SPATA9: variants seen among roughly 807,000 people sequenced by gnomAD.
SPATA9 encodes the protein spermatogenesis associated 9.
A neutral mutation model predicts 25.5 loss-of-function variants in SPATA9; 27 were observed. That is an observed-to-expected ratio of 1.06 (90% confidence interval 0.78 to 1.46). SPATA9 has a LOEUF of 1.46. SPATA9 is among the 40% of genes most tolerant of loss of function. SPATA9 has a pLI of 0.00. For synonymous variants in SPATA9, 102 were observed against 105.7 expected (o/e 0.97, Z 0.21); for missense variants, 282 against 297.5 (o/e 0.95, Z 0.38).
At chr5:95,655,614 C>T (rs1322898348), downstream of SPATA9, 1 of 154,876 alleles carries the variant, frequency 6.5e-6, no homozygotes. Context: ...TACTTTGGAT[C>T]ACAAATTGCT....
chr5:95,700,292 A>G (rs1221500287), upstream of SPATA9, among the ~76,000 whole-genome samples: 2 of 151,986 alleles, frequency 1.3e-5, no homozygotes, highest in East Asian at 3.9e-4. Flanking sequence ...CAATAACTAC[A>G]TTTAAAAAAA....
At chr5:95,682,422 A>G in intron 2 of SPATA9, 106 bp downstream of exon 2, 5 of 816,900 alleles carry the variant, frequency 6.1e-6, no homozygotes, top group Non-Finnish European at 9.3e-6. Flanking sequence ...AGTGTTTTCT[A>G]AAGTTTTGAT....
chr5:95,718,157 C>A, the SPATA9 span, among the ~76,000 whole-genome samples: 1 of 152,218 alleles, frequency 6.6e-6, no homozygotes, highest in South Asian at 2.1e-4. Context: ...GATACTTTCC[C>A]TCTTTTTTTT....
the SPATA9 span, among the ~76,000 whole-genome samples, chr5:95,709,625 A>G: frequency 6.6e-6 from 1 of 152,286 alleles, no homozygotes; most frequent in South Asian, 2.1e-4. Flanking sequence ...AGCCCGTATC[A>G]AGGGATGATT....
intron 3 of SPATA9, among the ~76,000 whole-genome samples, chr5:95,666,225 G>A (rs1018726301): frequency 6.6e-6 from 1 of 152,180 alleles, no homozygotes; most frequent in Admixed American, 6.5e-5. Flanking sequence ...ACTGGAAATA[G>A]TACTCCAGGG....
At chr5:95,688,964 T>C (rs994896787) in intron 1 of SPATA9, among the ~76,000 whole-genome samples, 1 of 152,188 alleles carries the variant, frequency 6.6e-6, no homozygotes, top group Non-Finnish European at 1.5e-5. Context: ...AAAAATTCAT[T>C]ATGGAGTCAA....
chr5:95,698,832 G>C (rs1018833279), upstream of SPATA9: 3 of 152,050 alleles, frequency 2.0e-5, no homozygotes, highest in African/African-American at 7.3e-5. Flanking sequence ...TATTACCTGA[G>C]AGCAACAACA....
At chr5:95,696,700 G>C (rs1279986469) in intron 1 of SPATA9, among the ~76,000 whole-genome samples, 1 of 152,126 alleles carries the variant, frequency 6.6e-6, no homozygotes, top group Non-Finnish European at 1.5e-5. Flanking sequence ...AACATAGCAA[G>C]ACCCAGTCTT....
upstream of SPATA9, among the ~76,000 whole-genome samples, chr5:95,699,928 A>G (rs1754135570): frequency 6.6e-6 from 1 of 152,262 alleles, no homozygotes; most frequent in Non-Finnish European, 1.5e-5. Context: ...ATCTAGCAAG[A>G]GCAATCTAGT....
At chr5:95,678,516 T>C (rs1753149246) in intron 2 of SPATA9, among the ~76,000 whole-genome samples, 1 of 152,224 alleles carries the variant, frequency 6.6e-6, no homozygotes, top group Non-Finnish European at 1.5e-5. Flanking sequence ...AAAATTCCAT[T>C]GTCACTCCCA....
chr5:95,652,574 C>T, downstream of SPATA9: 1 of 407,750 alleles, frequency 2.5e-6, no homozygotes, highest in Non-Finnish European at 4.2e-6. Context: ...GCTGCACAAA[C>T]CTAAAACTTG....
rs139178353 is a variant in SPATA9 at position 95,682,618 on chromosome 5, T to A, written c.62-2A>T. ...TGATTGCTTTCTGGATCCCCTCGAC[T>A]AAGACAAAAAGAGGTTAGGAAAAAG... On this transcript the variant is annotated splice_acceptor_variant, in intron 1 of 4. Coordinates refer to ENST00000274432, the MANE Select transcript of SPATA9 (RefSeq NM_031952.4). LOFTEE classifies it high-confidence loss of function. The A allele has an allele frequency of 6.4e-5, 103 of 1,609,200 alleles. No individual in the cohort carries two copies. The highest frequency in any genetic ancestry group is 5.1e-4 in the Admixed American group (30 of 59,120).
At chr5:95,729,824 C>T in the SPATA9 span, among the ~76,000 whole-genome samples, 1 of 152,188 alleles carries the variant, frequency 6.6e-6, no homozygotes, top group Non-Finnish European at 1.5e-5. Flanking sequence ...AAGGTTCATC[C>T]ATGTTGTAGT....
At chr5:95,656,925 T>C (rs1424990426), downstream of SPATA9, 1 of 152,116 alleles carries the variant, frequency 6.6e-6, no homozygotes, top group Non-Finnish European at 1.5e-5. Flanking sequence ...TTTTTATACT[T>C]AAAAAATGCC....
chr5:95,665,947 C>T (rs1002683279), intron 3 of SPATA9, among the ~76,000 whole-genome samples: 7 of 152,160 alleles, frequency 4.6e-5, no homozygotes, highest in African/African-American at 1.7e-4. Context: ...CCAGCCTGGG[C>T]AACAAGAGCA....
chr5:95,656,162 G>C (rs1338033371), downstream of SPATA9: 29 of 1,613,882 alleles, frequency 1.8e-5, no homozygotes, highest in Non-Finnish European at 2.3e-5. Flanking sequence ...CAAAACCCAA[G>C]TGGTGCTCCA....
Position 95,675,466 on chromosome 5 carries a change from A to G in SPATA9, c.324T>C (p.Ser108=). The G allele has an allele frequency of 1.2e-6, 2 of 1,614,202 alleles. No individual in the cohort carries two copies. Among genetic ancestry groups the G allele is most frequent in the Non-Finnish European group, 1.7e-6 (2 of 1,180,028 alleles). ...CATTAACTTCCCTCAGCAGACGACC[A>G]GATATGTCCCTTAGCTCTAAAAGTC... is the stretch of plus-strand genomic sequence containing the variant. ...ACRLLELRDI[S]GRLLREVNAP... Residue 108 remains serine (S), a synonymous_variant, in exon 3 of 5, where the codon TCT becomes TCC. Coordinates refer to ENST00000274432, the MANE Select transcript of SPATA9 (RefSeq NM_031952.4).
At chr5:95,714,413 A>C in the SPATA9 span, among the ~76,000 whole-genome samples, 1 of 152,220 alleles carries the variant, frequency 6.6e-6, no homozygotes, top group African/African-American at 2.4e-5. Flanking sequence ...CTGAACAAGT[A>C]ATCCTGTAGC....
chr5:95,692,330 T>C (rs1350174709), intron 1 of SPATA9, among the ~76,000 whole-genome samples: 1 of 152,166 alleles, frequency 6.6e-6, no homozygotes, highest in Non-Finnish European at 1.5e-5. Context: ...GATATCTTTT[T>C]AGAAGCTAGT....
Sources: allele counts gnomAD v4.1 joint callset (sites outside exome capture counted in the v4.1 genomes callset), GRCh38; gene constraint gnomAD v4.1.1; transcripts MANE v1.5; gene names NCBI Gene and HGNC (gene_info 2026-07-23, HGNC 2026-07-21).